The following TANC1 variants were observed in gnomAD, a reference collection of about 807,000 sequenced individuals.
The protein encoded by TANC1 is tetratricopeptide repeat, ankyrin repeat and coiled-coil containing 1.
A neutral mutation model predicts 149.7 loss-of-function variants in TANC1; 77 were observed. The observed-to-expected ratio is 0.51, with a 90% CI of 0.43 to 0.62. The LOEUF is 0.62. Ranked by LOEUF, TANC1 falls within the 20% of genes least tolerant of loss-of-function variation. The pLI is 0.00. For missense variants in TANC1, 1,985 were observed against 2,321.8 expected (o/e 0.85, Z 2.98); for synonymous variants, 854 against 925.0 (o/e 0.92, Z 1.39).
At chr2:159,157,967 C>T (rs1176154680) in intron 7 of TANC1, among the ~76,000 whole-genome samples, 1 of 152,076 alleles carries the variant, frequency 6.6e-6, no homozygotes, top group African/African-American at 2.4e-5. Flanking sequence ...TCTCAAAATG[C>T]GTATTTTCTA....
At chr2:159,221,964 A>G (rs563757335) in intron 22 of TANC1, among the ~76,000 whole-genome samples, 4 of 152,196 alleles carry the variant, frequency 2.6e-5, no homozygotes, top group African/African-American at 4.8e-5. Context: ...CAATACATCT[A>G]ATGGAAGGAC....
In TANC1 at chr2:159,232,423, A is replaced by T. The variant is rs561288932; in HGVS notation, c.*1411A>T. On this transcript the variant is annotated 3_prime_UTR_variant, in exon 27 of 27. Coordinates refer to ENST00000263635, the MANE Select transcript of TANC1 (RefSeq NM_033394.3). Reference sequence around the variant, plus strand: ...TTGTAATGAAGTTCCTGTGAACATCATTATGGTTTTGTACAAATAGGAACC... The same window carrying T: ...TTGTAATGAAGTTCCTGTGAACATCTTTATGGTTTTGTACAAATAGGAACC... The T allele has an allele frequency of 2.0e-5, 3 of 152,774 alleles. No homozygotes were observed. Among genetic ancestry groups the T allele is most frequent in the Non-Finnish European group, 4.4e-5 (3 of 68,010 alleles). The allele number at this position is 152,774 out of a possible 1,614,324, so 9.5% of individuals were successfully genotyped here. A position where few individuals can be genotyped will look rare whatever the true frequency, so the allele number is the denominator to read the frequency against.
chr2:159,030,790 AG>A (rs2039714798), intron 2 of TANC1, among the ~76,000 whole-genome samples: 1 of 152,178 alleles, frequency 6.6e-6, no homozygotes, highest in Admixed American at 6.5e-5. Flanking sequence ...GAGGACCCTC[AG>A]CTTTTTGTGA....
chr2:159,225,635 G>A, intron 23 of TANC1, 53 bp from the exon 24 acceptor site: 1 of 1,461,228 alleles, frequency 6.8e-7, no homozygotes, highest in South Asian at 1.1e-5. Flanking sequence ...GAGGAATTGG[G>A]ATCCTTTCCG....
rs188003961 is a variant in TANC1 at position 159,215,865 on chromosome 2, A to G, written c.3245-1632A>G. Among the ~76,000 whole-genome samples the G allele has an allele frequency of 4.6e-5, 7 of 152,270 alleles. No homozygotes were observed. The East Asian group carries it at 1.2e-3, about 25-fold the overall frequency. On this transcript the variant is annotated intron_variant, in intron 19 of 26. Coordinates refer to ENST00000263635, the MANE Select transcript of TANC1 (RefSeq NM_033394.3). The stretch of plus-strand genomic sequence containing the variant: ...ATGGTGTTTATTCTTGTAGACATGT[A>G]GTGTTCTGCTGATTGACTATGCCAC...
intron 2 of TANC1, among the ~76,000 whole-genome samples, chr2:159,024,476 C>T (rs961230223): frequency 3.3e-5 from 5 of 152,088 alleles, no homozygotes; most frequent in Non-Finnish European, 5.9e-5. Flanking sequence ...TAGGCATGGG[C>T]GCAGTGGCTC....
chr2:158,993,030 T>G (rs960262889), intron 1 of TANC1, among the ~76,000 whole-genome samples: 5 of 152,192 alleles, frequency 3.3e-5, no homozygotes, highest in African/African-American at 1.2e-4. Flanking sequence ...TCTTTGTCAT[T>G]AGAATCAGGG....
chr2:159,105,260 C>T lies in TANC1; in HGVS notation c.259+7426C>T, dbSNP rs1038739444. On this transcript the variant is annotated intron_variant, in intron 4 of 26. Transcript: ENST00000263635. ...CCGCCCACCTCGGCCTCCCAGAGTG[C>T]TGGGATTACAGGCATGAGCCACCCC... 4.9e-4 allele frequency among the ~76,000 whole-genome samples: 75 copies of T among 152,074 alleles called. 1 individual carries two copies. The highest frequency in any genetic ancestry group is 4.4e-5 in the Non-Finnish European group (3 of 68,018).
chr2:159,192,636 GT>G (rs919097180), intron 16 of TANC1, among the ~76,000 whole-genome samples: 4 of 151,932 alleles, frequency 2.6e-5, no homozygotes, highest in Admixed American at 2.0e-4. Context: ...AGTTGTTTAG[GT>G]TTTTTTTGTT....
chr2:159,038,970 C>T lies in TANC1; in HGVS notation c.-15-26926C>T, dbSNP rs576801201. On this transcript the variant is annotated intron_variant, in intron 2 of 26. Transcript: ENST00000263635. ...CTCTGGTAGAATTTGACTGTGAATC[C>T]GTCTGGTCCTGGACTTTTTTTGATT... is the stretch of plus-strand genomic sequence containing the variant. Among the ~76,000 whole-genome samples, 5 of 152,208 alleles carry T rather than the reference C, an allele frequency of 3.3e-5. No individual in the cohort carries two copies. The East Asian group carries it at 5.8e-4, about 18-fold the overall frequency.
At chr2:159,136,816 A>C (rs2050810401) in intron 5 of TANC1, among the ~76,000 whole-genome samples, 1 of 146,854 alleles carries the variant, frequency 6.8e-6, no homozygotes, top group African/African-American at 2.5e-5. Context: ...AACCAAATTG[A>C]TGGAAATATT....
intron 3 of TANC1, among the ~76,000 whole-genome samples, chr2:159,080,329 G>T (rs997307565): frequency 6.6e-6 from 1 of 152,196 alleles, no homozygotes; most frequent in African/African-American, 2.4e-5. Context: ...GAGTGTCAGG[G>T]AGTGAGACTG....
chr2:159,134,243 A>G (rs1370697237), intron 4 of TANC1, among the ~76,000 whole-genome samples: 1 of 152,188 alleles, frequency 6.6e-6, no homozygotes, highest in African/African-American at 2.4e-5. Context: ...AGCCACTTTA[A>G]GGCAACCAAG....
At chr2:159,124,735 C>G (rs923258442) in intron 4 of TANC1, among the ~76,000 whole-genome samples, 1 of 151,728 alleles carries the variant, frequency 6.6e-6, no homozygotes, top group Non-Finnish European at 1.5e-5. Context: ...CTAAGGAAAT[C>G]AGCTGCATTT....
intron 4 of TANC1, among the ~76,000 whole-genome samples, chr2:159,122,572 C>G (rs538970526): frequency 2.2e-4 from 34 of 152,170 alleles, no homozygotes; most frequent in African/African-American, 7.5e-4. Context: ...CAAAATATTC[C>G]CTCATGCTGC....
At chr2:159,043,976 C>T (rs1014686062) in intron 2 of TANC1, among the ~76,000 whole-genome samples, 1 of 152,154 alleles carries the variant, frequency 6.6e-6, no homozygotes, top group Non-Finnish European at 1.5e-5. Flanking sequence ...GCCTCTTGCC[C>T]GTTCTACAGA....
intron 3 of TANC1, among the ~76,000 whole-genome samples, chr2:159,091,104 CCTT>C (rs2045490250): frequency 6.6e-6 from 1 of 151,690 alleles, no homozygotes. Context: ...TTTTGGTTTT[CCTT>C]CTTAAGTATG....
At chr2:159,134,054 AG>A (rs1027379641) in intron 4 of TANC1, among the ~76,000 whole-genome samples, 2 of 152,204 alleles carry the variant, frequency 1.3e-5, no homozygotes, top group Non-Finnish European at 1.5e-5. Flanking sequence ...TTGAGACAGA[AG>A]GATGGTCTAT....
chr2:159,144,399 G>A (rs1055303584), intron 5 of TANC1, among the ~76,000 whole-genome samples: 3 of 152,040 alleles, frequency 2.0e-5, no homozygotes, highest in South Asian at 2.1e-4. Flanking sequence ...TTTCTGAGAC[G>A]GAGTCTCGCT....
Sources: allele counts gnomAD v4.1 joint callset (sites outside exome capture counted in the v4.1 genomes callset), GRCh38; gene constraint gnomAD v4.1.1; transcripts MANE v1.5; gene names NCBI Gene and HGNC (gene_info 2026-07-23, HGNC 2026-07-21).